The following FAM13A variants were observed in gnomAD, a reference collection of about 807,000 sequenced individuals.
FAM13A encodes the protein protein FAM13A.
Under a neutral mutation model 129.6 loss-of-function variants are expected in FAM13A, and 76 were observed. That is an observed-to-expected ratio of 0.59 (90% CI 0.49 to 0.71). The LOEUF (loss-of-function observed/expected upper bound fraction) is 0.71, where lower values mean the gene tolerates loss of function less well. FAM13A is among the 30% of genes least tolerant of loss of function. The probability of loss-of-function intolerance (pLI) is 0.00; values close to 1 mark genes in which losing one functional copy is unlikely to be tolerated. For synonymous variants in FAM13A, 443 were observed against 449.9 expected (o/e 0.98, Z 0.20); for missense variants, 1,108 against 1,249.3 (o/e 0.89, Z 1.70).
intron 1 of FAM13A, among the ~76,000 whole-genome samples, chr4:89,030,788 C>T (rs921845314): frequency 6.6e-6 from 1 of 152,042 alleles, no homozygotes; most frequent in Admixed American, 6.6e-5. Flanking sequence ...AGTTTATGTA[C>T]AATTATAGTG....
intron 1 of FAM13A, among the ~76,000 whole-genome samples, chr4:89,036,714 A>G (rs879806490): frequency 6.6e-6 from 1 of 152,142 alleles, no homozygotes; most frequent in Non-Finnish European, 1.5e-5. Flanking sequence ...AGGAGGGAAG[A>G]ATGGTTTCCT....
At chr4:88,889,161 C>T (rs894306050) in intron 6 of FAM13A, among the ~76,000 whole-genome samples, 3 of 151,966 alleles carry the variant, frequency 2.0e-5, no homozygotes, top group Admixed American at 6.6e-5. Flanking sequence ...ACTTTCTGTG[C>T]GTGTGTGTGT....
At chr4:89,053,402 AAG>A (rs1412751147) in intron 1 of FAM13A, among the ~76,000 whole-genome samples, 4 of 152,198 alleles carry the variant, frequency 2.6e-5, no homozygotes, top group Non-Finnish European at 5.9e-5. Flanking sequence ...CCTGTCAAAG[AAG>A]ATAAACCTAA....
At chr4:88,817,316 A>G (rs1730946730) in intron 7 of FAM13A, among the ~76,000 whole-genome samples, 1 of 152,138 alleles carries the variant, frequency 6.6e-6, no homozygotes, top group Non-Finnish European at 1.5e-5. Flanking sequence ...TAATCCCAGC[A>G]TTTTGGGAGG....
chr4:88,840,066 A>C (rs138072504), intron 7 of FAM13A, among the ~76,000 whole-genome samples: 1 of 152,376 alleles, frequency 6.6e-6, no homozygotes, highest in East Asian at 1.9e-4. Context: ...GAAAAGAAGA[A>C]AGCTTATACA....
At chr4:88,793,636 T>C (rs112689826) in intron 8 of FAM13A, among the ~76,000 whole-genome samples, 2,482 of 151,976 alleles carry the variant, frequency 0.016, 54 homozygotes, top group African/African-American at 0.055. Flanking sequence ...CTTGGCTGCA[T>C]TGGGTTGGTT....
At chr4:88,907,769 C>T (rs950384577) in intron 5 of FAM13A, among the ~76,000 whole-genome samples, 1 of 152,196 alleles carries the variant, frequency 6.6e-6, no homozygotes, top group South Asian at 2.1e-4. Context: ...TTATATATTA[C>T]TCATCTCCGA....
chr4:89,052,036 A>T (rs1771656593), intron 1 of FAM13A, among the ~76,000 whole-genome samples: 1 of 151,982 alleles, frequency 6.6e-6, no homozygotes, highest in African/African-American at 2.4e-5. Flanking sequence ...CCATCCTTGA[A>T]ATCTATGTAG....
intron 5 of FAM13A, among the ~76,000 whole-genome samples, chr4:88,925,652 C>T (rs1034762535): frequency 2.6e-5 from 4 of 151,134 alleles, no homozygotes; most frequent in African/African-American, 9.7e-5. Flanking sequence ...ATGTAACTAA[C>T]CTGCACATTG....
At chr4:88,745,218 A>G (rs1741068168) in intron 19 of FAM13A, among the ~76,000 whole-genome samples, 1 of 152,066 alleles carries the variant, frequency 6.6e-6, no homozygotes, top group Non-Finnish European at 1.5e-5. Flanking sequence ...GGCAATCTAT[A>G]ACAGATATCT....
intron 10 of FAM13A, among the ~76,000 whole-genome samples, chr4:88,784,861 A>AT (rs910349734): frequency 3.3e-5 from 5 of 152,100 alleles, no homozygotes; most frequent in Non-Finnish European, 7.4e-5. Flanking sequence ...CAGATAGTAG[A>AT]TTTTTTTACT....
At chr4:88,804,762 T>C (rs558909656) in intron 8 of FAM13A, among the ~76,000 whole-genome samples, 2 of 152,288 alleles carry the variant, frequency 1.3e-5, no homozygotes, top group East Asian at 1.9e-4. Context: ...TAAATTAAAA[T>C]GATCACCTTG....
chr4:88,990,866 G>A, intron 4 of FAM13A, 107 bp downstream of exon 4: 1 of 814,956 alleles, frequency 1.2e-6, no homozygotes, highest in Non-Finnish European at 2.0e-6. Context: ...AAAATAAGCT[G>A]GCTGAATTTT....
intron 7 of FAM13A, among the ~76,000 whole-genome samples, chr4:88,821,559 A>C (rs997787291): frequency 6.6e-6 from 1 of 152,180 alleles, no homozygotes; most frequent in Non-Finnish European, 1.5e-5. Flanking sequence ...AGAGCATCAC[A>C]TGGCTGGCTA....
chr4:88,729,693 A>C (rs1024699302), intron 23 of FAM13A: 1 of 152,128 alleles, frequency 6.6e-6, no homozygotes, highest in Non-Finnish European at 1.5e-5. Flanking sequence ...CTTATCTCCT[A>C]AGTCCCTCAT....
intron 8 of FAM13A, among the ~76,000 whole-genome samples, chr4:88,804,662 T>C (rs1728197102): frequency 6.6e-6 from 1 of 151,860 alleles, no homozygotes; most frequent in African/African-American, 2.4e-5. Context: ...ATGGGTCTTG[T>C]ACCCATTTGC....
intron 11 of FAM13A, among the ~76,000 whole-genome samples, chr4:88,778,167 G>A (rs569341219): frequency 4.7e-4 from 72 of 152,196 alleles, no homozygotes; most frequent in African/African-American, 1.7e-3. Context: ...GCATTCTCCC[G>A]AAACTCTAGG....
In FAM13A at chr4:88,727,721, T is replaced by C. The variant is rs1233649262; in HGVS notation, c.*812A>G. On this transcript the variant is annotated 3_prime_UTR_variant, in exon 24 of 24. Transcript: ENST00000264344. ...CCTGGCTTGGTGTTTGACGATAAAA[T>C]CAGACTGGTAAGTGCAGTCAGTGTT... is the stretch of plus-strand genomic sequence containing the variant. 1 of 152,158 alleles carries C rather than the reference T, an allele frequency of 6.6e-6. No individual in the cohort carries two copies. Among genetic ancestry groups the C allele is most frequent in the African/African-American group, 2.4e-5 (1 of 41,426 alleles). The allele number at this position is 152,158 out of a possible 1,614,324, so 9.4% of individuals were successfully genotyped here.
At chr4:88,957,536 A>G (rs1000998713) in intron 4 of FAM13A, among the ~76,000 whole-genome samples, 1 of 152,220 alleles carries the variant, frequency 6.6e-6, no homozygotes, top group Non-Finnish European at 1.5e-5. Flanking sequence ...CAATGCAAGA[A>G]CAGCCTAACA....
Sources: gnomAD v4.1 joint callset for allele counts (sites outside exome capture counted in the v4.1 genomes callset) on GRCh38, gnomAD v4.1.1 for gene constraint, MANE v1.5 for transcripts, NCBI Gene and HGNC (gene_info 2026-07-23, HGNC 2026-07-21) for gene names.